WDR44: variants seen among roughly 807,000 people sequenced by gnomAD.
The protein encoded by WDR44 is WD repeat domain 44.
Under a neutral mutation model 65.7 loss-of-function variants are expected in WDR44, and 9 were observed. That is an observed-to-expected ratio of 0.14 (90% CI 0.08 to 0.24). The LOEUF (loss-of-function observed/expected upper bound fraction) is 0.24, where lower values mean the gene tolerates loss of function less well. Ranked by LOEUF, WDR44 falls within the 10% of genes least tolerant of loss-of-function variation. The probability of loss-of-function intolerance (pLI) is 1.00; values close to 1 mark genes in which losing one functional copy is unlikely to be tolerated. For missense variants in WDR44, 425 were observed against 670.9 expected (o/e 0.63, Z 4.05); for synonymous variants, 220 against 235.2 (o/e 0.94, Z 0.59).
chrX:118,395,220 A>G (rs1482395069), intron 5 of WDR44, 29 bp from the exon 6 acceptor site: 15 of 1,154,603 alleles, frequency 1.3e-5, no homozygotes, highest in African/African-American at 1.8e-5. Flanking sequence ...GATTCAGTCT[A>G]ATTTCTGTTT....
chrX:118,391,928 A>G (rs1164734472), intron 3 of WDR44, among the ~76,000 whole-genome samples: 2 of 111,919 alleles, frequency 1.8e-5, no homozygotes, highest in African/African-American at 6.5e-5. Flanking sequence ...GCAGTGAGCC[A>G]AGATCGTGCC....
intron 1 of WDR44, among the ~76,000 whole-genome samples, chrX:118,354,810 A>G (rs1003808407): frequency 8.9e-6 from 1 of 111,864 alleles, no homozygotes; most frequent in Non-Finnish European, 1.9e-5. Context: ...CCAGTACAAA[A>G]CTCATTGAAC....
chrX:118,409,531 C>G lies in WDR44; in HGVS notation c.1576C>G (p.Leu526Val). 1 of 1,210,188 alleles carries G rather than the reference C, an allele frequency of 8.3e-7. No individual in the cohort carries two copies. The change falls in exon 11 of 20, where the codon CTT becomes GTT. Residue 526 changes from leucine to valine, a missense_variant. Physicochemically the swap from Leu to Val is conservative, Grantham distance 32. Transcript: ENST00000254029. ...TMKFSHCGRL[L>V]ASAGQDNVVR... ...GAAATTTTCTCACTGTGGCCGATTA[C>G]TTGCCTCAGCTGGACAAGACAATGT...
chrX:118,413,462 C>T (rs113691549), intron 12 of WDR44, among the ~76,000 whole-genome samples: 2,001 of 112,056 alleles, frequency 0.018, 24 homozygotes, highest in Non-Finnish European at 0.029. Flanking sequence ...TTTTTTCATA[C>T]GTGTGTTGGC....
At chrX:118,407,857 A>G (rs1169100480) in intron 10 of WDR44, among the ~76,000 whole-genome samples, 1 of 112,411 alleles carries the variant, frequency 8.9e-6, no homozygotes, top group Non-Finnish European at 1.9e-5. Flanking sequence ...TTAGATCTGA[A>G]TAAATAATAC....
At chrX:118,410,068 A>G (rs1294562569) in intron 11 of WDR44, among the ~76,000 whole-genome samples, 1 of 112,590 alleles carries the variant, frequency 8.9e-6, no homozygotes, top group Non-Finnish European at 1.9e-5. Context: ...GAAGCCTCAG[A>G]ACATTATGTA....
intron 1 of WDR44, among the ~76,000 whole-genome samples, chrX:118,371,674 T>C (rs776084108): frequency 1.8e-5 from 2 of 111,535 alleles, no homozygotes; most frequent in East Asian, 2.8e-4. Flanking sequence ...GATCAGATAG[T>C]AAATGCATCA....
intron 12 of WDR44, among the ~76,000 whole-genome samples, chrX:118,414,049 T>C (rs1274668043): frequency 2.7e-5 from 3 of 111,341 alleles, no homozygotes; most frequent in Non-Finnish European, 5.7e-5. Context: ...TGTGTGCCTA[T>C]GTTTATACCA....
At chrX:118,447,875 A>AATATATATAT (rs10570740) in intron 19 of WDR44, among the ~76,000 whole-genome samples, 84 of 54,763 alleles carry the variant, frequency 1.5e-3, no homozygotes, top group Non-Finnish European at 2.0e-3. Context: ...CTCTATCTAA[A>AATATATATAT]ATATATATAT....
At chrX:118,348,037 G>A (rs1341621822) in intron 1 of WDR44, among the ~76,000 whole-genome samples, 1 of 109,799 alleles carries the variant, frequency 9.1e-6, no homozygotes, top group Non-Finnish European at 1.9e-5. Context: ...AAGTCCTTTG[G>A]TACTTTTGTG....
intron 4 of WDR44, 130 bp downstream of exon 4, chrX:118,393,401 A>G (rs4825575): frequency 0.29 from 204,977 of 700,580 alleles, 31,154 homozygotes; most frequent in African/African-American, 0.87. Context: ...GCAACATGGC[A>G]AAACCCCATC....
intron 1 of WDR44, among the ~76,000 whole-genome samples, chrX:118,352,678 A>G (rs2056425753): frequency 9.1e-6 from 1 of 109,562 alleles, no homozygotes; most frequent in Non-Finnish European, 1.9e-5. Flanking sequence ...AATCAGGTGA[A>G]TTTGCCAGGC....
chrX:118,442,541 A>T (rs375966623), intron 16 of WDR44, 24 bp from the exon 17 acceptor site: 26 of 1,173,478 alleles, frequency 2.2e-5, no homozygotes, highest in Non-Finnish European at 3.0e-5. Flanking sequence ...GATATTTTTA[A>T]CTTTTCATTT....
At chrX:118,393,988 TCA>T in intron 4 of WDR44, 65 bp from the exon 5 acceptor site, 1 of 1,035,824 alleles carries the variant, frequency 9.7e-7, no homozygotes, top group Non-Finnish European at 1.3e-6. Flanking sequence ...GCCACTTTCC[TCA>T]CAGGGTTGTT....
chrX:118,350,805 G>C (rs6646171), intron 1 of WDR44, among the ~76,000 whole-genome samples: 6,255 of 111,204 alleles, frequency 0.056, 333 homozygotes, highest in East Asian at 0.25. Context: ...TTGGAAGAAG[G>C]ATAGAATCAT....
chrX:118,406,953 C>T lies in WDR44; in HGVS notation c.1460C>T (p.Ala487Val). ...MPYTRPVKFK[A>V]AHGFKGPYDF... is the part of the protein sequence containing the mutation. ...TACACAAGACCAGTTAAATTCAAAG[C>T]AGCACACGGTTTCAAAGGACCTTAT... Residue 487 changes from alanine to valine, a missense_variant, in exon 10 of 20, where the codon GCA becomes GTA. Physicochemically the swap from Ala to Val is moderately conservative, Grantham distance 64. Transcript: ENST00000254029. The T allele has an allele frequency of 8.3e-7, 1 of 1,210,925 alleles. No individual in the cohort carries two copies. Among genetic ancestry groups the T allele is most frequent in the Non-Finnish European group, 1.1e-6 (1 of 894,914 alleles).
At chrX:118,368,712 C>CTT (rs57659623) in intron 1 of WDR44, among the ~76,000 whole-genome samples, 1,067 of 70,703 alleles carry the variant, frequency 0.015, 59 homozygotes, top group African/African-American at 0.07. Context: ...CATACTCTTC[C>CTT]TTTTTTTTTT....
At chrX:118,374,418 G>A (rs1291274636) in intron 1 of WDR44, among the ~76,000 whole-genome samples, 2 of 111,517 alleles carry the variant, frequency 1.8e-5, no homozygotes, top group Non-Finnish European at 3.8e-5. Context: ...TACTCTTACA[G>A]ATTACCCTGT....
chrX:118,439,109 T>C (rs1476453496), intron 14 of WDR44, among the ~76,000 whole-genome samples: 2 of 109,560 alleles, frequency 1.8e-5, no homozygotes, highest in African/African-American at 6.6e-5. Context: ...TTTATAGTGC[T>C]TTTATTTGGT....
Sources: gnomAD v4.1 joint callset for allele counts (sites outside exome capture counted in the v4.1 genomes callset) on GRCh38, gnomAD v4.1.1 for gene constraint, MANE v1.5 for transcripts, NCBI Gene and HGNC (gene_info 2026-07-23, HGNC 2026-07-21) for gene names.